The following ADAMTS6 variants were observed in gnomAD, a reference collection of about 807,000 sequenced individuals.
ADAMTS6 encodes ADAM metallopeptidase with thrombospondin type 1 motif 6.
A neutral mutation model predicts 144.3 loss-of-function variants in ADAMTS6; 23 were observed. The ratio of observed to expected loss-of-function variants is 0.16; its 90% CI spans 0.11 to 0.23. ADAMTS6 has a LOEUF of 0.23. ADAMTS6 is among the 10% of genes least tolerant of loss of function. The pLI, the probability that ADAMTS6 is intolerant of heterozygous loss-of-function variation, is 1.00. For synonymous variants in ADAMTS6, 444 were observed against 457.5 expected (o/e 0.97, Z 0.38); for missense variants, 999 against 1,379.6 (o/e 0.72, Z 4.37).
chr5:65,442,420 A>G (rs955284159), intron 7 of ADAMTS6, among the ~76,000 whole-genome samples: 4 of 152,154 alleles, frequency 2.6e-5, no homozygotes, highest in African/African-American at 9.7e-5. Flanking sequence ...ATCACTCCAC[A>G]AAGAAAACTC....
At chr5:65,248,345 C>A (rs1402096617) in intron 14 of ADAMTS6, among the ~76,000 whole-genome samples, 2 of 152,160 alleles carry the variant, frequency 1.3e-5, no homozygotes, top group African/African-American at 4.8e-5. Context: ...GGCAGATAAC[C>A]CACATTGTCC....
At position 65,177,356 on chromosome 5, in the gene ADAMTS6, G is replaced by T. The variant is rs143890583; in HGVS notation, c.2911-4348C>A. Reference sequence around the variant, plus strand: ...TTATTAACATAACCAAGTCAATTTCGCCTCAAACTATTGCATTTAATGCTT... The same window carrying T: ...TTATTAACATAACCAAGTCAATTTCTCCTCAAACTATTGCATTTAATGCTT... On this transcript the variant is annotated intron_variant, in intron 22 of 24. Coordinates refer to ENST00000381055, the MANE Select transcript of ADAMTS6 (RefSeq NM_197941.4). Among the ~76,000 whole-genome samples the T allele has an allele frequency of 5.5e-3, 841 of 152,058 alleles. 8 individuals are homozygous for T. The highest frequency in any genetic ancestry group is 0.019 in the African/African-American group (787 of 41,450).
At chr5:65,355,637 G>T (rs1009292152) in intron 7 of ADAMTS6, among the ~76,000 whole-genome samples, 2 of 151,630 alleles carry the variant, frequency 1.3e-5, no homozygotes, top group African/African-American at 4.8e-5. Context: ...AAGCCAATTT[G>T]GATAAATAGA....
chr5:65,263,959 T>C (rs959012176), intron 12 of ADAMTS6, among the ~76,000 whole-genome samples: 1 of 152,198 alleles, frequency 6.6e-6, no homozygotes. Flanking sequence ...GGGATCATGA[T>C]GTGGTACTTA....
intron 7 of ADAMTS6, among the ~76,000 whole-genome samples, chr5:65,440,701 T>A (rs1306574734): frequency 6.6e-6 from 1 of 152,114 alleles, no homozygotes; most frequent in Non-Finnish European, 1.5e-5. Context: ...GCCTAGCACT[T>A]ACACAACATT....
chr5:65,474,641 T>G (rs1323575348), intron 1 of ADAMTS6, among the ~76,000 whole-genome samples: 4 of 152,004 alleles, frequency 2.6e-5, no homozygotes, highest in African/African-American at 9.7e-5. Context: ...TCCTAGCTCA[T>G]GTACTTTACA....
chr5:65,466,899 G>A (rs1019517510), intron 3 of ADAMTS6, among the ~76,000 whole-genome samples: 4 of 152,076 alleles, frequency 2.6e-5, no homozygotes, highest in African/African-American at 4.8e-5. Context: ...AAAATTAGCC[G>A]GGCGTAGTGG....
At chr5:65,371,283 C>A (rs188537067) in intron 7 of ADAMTS6, among the ~76,000 whole-genome samples, 2 of 152,166 alleles carry the variant, frequency 1.3e-5, no homozygotes, top group African/African-American at 2.4e-5. Context: ...ATGACTTTGA[C>A]GAGCTGAGAG....
At chr5:65,441,922 G>C (rs541477154) in intron 7 of ADAMTS6, among the ~76,000 whole-genome samples, 2 of 151,540 alleles carry the variant, frequency 1.3e-5, no homozygotes, top group East Asian at 3.9e-4. Flanking sequence ...AAATTTGTGA[G>C]ATGCGATAAA....
chr5:65,207,140 A>G (rs1202998378), intron 20 of ADAMTS6, among the ~76,000 whole-genome samples: 1 of 152,206 alleles, frequency 6.6e-6, no homozygotes, highest in Non-Finnish European at 1.5e-5. Context: ...CTAACTCCTC[A>G]GTAATCTAAG....
intron 12 of ADAMTS6, among the ~76,000 whole-genome samples, chr5:65,272,703 T>C (rs1019931499): frequency 1.3e-5 from 2 of 152,038 alleles, no homozygotes; most frequent in Admixed American, 6.6e-5. Flanking sequence ...GCAGATCACT[T>C]GAGCTCAGGA....
intron 15 of ADAMTS6, among the ~76,000 whole-genome samples, chr5:65,228,650 G>A (rs894920910): frequency 2.0e-5 from 3 of 152,058 alleles, no homozygotes; most frequent in East Asian, 1.9e-4. Context: ...AATTTCACCT[G>A]TATCACACCT....
rs544274158 is a variant in ADAMTS6, at chr5:65,183,760, G to A, written c.2910+4256C>T. Reference sequence around the variant, plus strand: ...ACATTAATTTAATTATGAATGCTTCGGAGCAGTCTCCAGAGATAATCATTA... The same window carrying A: ...ACATTAATTTAATTATGAATGCTTCAGAGCAGTCTCCAGAGATAATCATTA... On this transcript the variant is annotated intron_variant, in intron 22 of 24. Transcript: ENST00000381055. Among the ~76,000 whole-genome samples, 116 of 152,206 alleles carry A rather than the reference G, an allele frequency of 7.6e-4. 1 individual carries two copies. Among genetic ancestry groups the A allele is most frequent in the Admixed American group, 1.4e-3 (21 of 15,294 alleles).
chr5:65,356,185 C>T (rs915930343), intron 7 of ADAMTS6, among the ~76,000 whole-genome samples: 5 of 151,586 alleles, frequency 3.3e-5, no homozygotes, highest in Admixed American at 6.6e-5. Context: ...TTCATCAATA[C>T]GGTATTTATT....
chr5:65,177,505 G>A (rs1754051393), intron 22 of ADAMTS6, among the ~76,000 whole-genome samples: 1 of 152,076 alleles, frequency 6.6e-6, no homozygotes, highest in Non-Finnish European at 1.5e-5. Context: ...TTAATCCAGG[G>A]AAATTTTGAT....
At chr5:65,455,606 A>G (rs1375140568) in intron 4 of ADAMTS6, among the ~76,000 whole-genome samples, 2 of 151,944 alleles carry the variant, frequency 1.3e-5, no homozygotes, top group African/African-American at 4.8e-5. Flanking sequence ...GTCCAGTAAA[A>G]TATTTCAAAT....
At chr5:65,360,715 G>T (rs1032346089) in intron 7 of ADAMTS6, among the ~76,000 whole-genome samples, 1 of 152,016 alleles carries the variant, frequency 6.6e-6, no homozygotes, top group Admixed American at 6.6e-5. Flanking sequence ...TCATTCACAC[G>T]GTGGGAATTG....
chr5:65,243,828 A>G (rs1759412366), intron 14 of ADAMTS6, among the ~76,000 whole-genome samples: 1 of 152,144 alleles, frequency 6.6e-6, no homozygotes, highest in Admixed American at 6.5e-5. Flanking sequence ...AAACAAAAAA[A>G]ACAAACAAAT....
chr5:65,474,866 G>C (rs1271183989), intron 1 of ADAMTS6, among the ~76,000 whole-genome samples: 2 of 151,522 alleles, frequency 1.3e-5, no homozygotes, highest in Non-Finnish European at 2.9e-5. Flanking sequence ...ATATAGTTTG[G>C]GGTAGAGGCA....
Sources: gnomAD v4.1 joint callset for allele counts (sites outside exome capture counted in the v4.1 genomes callset) on GRCh38, gnomAD v4.1.1 for gene constraint, MANE v1.5 for transcripts, NCBI Gene and HGNC (gene_info 2026-07-23, HGNC 2026-07-21) for gene names.